The following TMCC1 variants were observed in gnomAD, a reference collection of about 807,000 sequenced individuals.
TMCC1 encodes the protein transmembrane and coiled-coil domains protein 1.
TMCC1 carries 15 observed loss-of-function variants against 52.4 expected under a neutral mutation model. The ratio of observed to expected loss-of-function variants is 0.29; its 90% CI spans 0.19 to 0.44. The LOEUF (loss-of-function observed/expected upper bound fraction) is 0.44, where lower values mean the gene tolerates loss of function less well. Among genes scored for constraint, TMCC1 ranks in the 20% least tolerant of loss-of-function variants. The pLI, the probability that TMCC1 is intolerant of heterozygous loss-of-function variation, is 1.00. For missense variants in TMCC1, 503 were observed against 806.0 expected, an observed-to-expected ratio of 0.62 and a Z score of 4.55; for synonymous variants, 279 against 301.9, an observed-to-expected ratio of 0.92 and a Z score of 0.79.
At chr3:129,683,183 A>G (rs2089144687) in intron 4 of TMCC1, among the ~76,000 whole-genome samples, 2 of 152,254 alleles carry the variant, frequency 1.3e-5, no homozygotes, top group Non-Finnish European at 2.9e-5. Context: ...TTTTGCTTTT[A>G]TAACACTGCA....
chr3:129,861,467 T>C (rs2060394942), intron 2 of TMCC1, among the ~76,000 whole-genome samples: 1 of 152,044 alleles, frequency 6.6e-6, no homozygotes, highest in Non-Finnish European at 1.5e-5. Context: ...AAAGAATTAT[T>C]ACTTATGGCA....
At chr3:129,725,079 T>C (rs2049964122) in intron 4 of TMCC1, among the ~76,000 whole-genome samples, 1 of 152,234 alleles carries the variant, frequency 6.6e-6, no homozygotes. Context: ...GGATCTACAT[T>C]TGTACCCAAA....
intron 4 of TMCC1, among the ~76,000 whole-genome samples, chr3:129,736,315 A>G (rs377344296): frequency 6.6e-6 from 1 of 152,244 alleles, no homozygotes; most frequent in African/African-American, 2.4e-5. Flanking sequence ...AGAGCCTGCC[A>G]GAATGCTACA....
At chr3:129,750,467 C>T (rs1329408320) in intron 4 of TMCC1, among the ~76,000 whole-genome samples, 2 of 151,866 alleles carry the variant, frequency 1.3e-5, no homozygotes, top group Non-Finnish European at 2.9e-5. Context: ...GCTGGGATTA[C>T]GGGCATGAGC....
intron 4 of TMCC1, among the ~76,000 whole-genome samples, chr3:129,819,335 G>C (rs1012829500): frequency 1.3e-5 from 2 of 151,732 alleles, no homozygotes; most frequent in African/African-American, 4.8e-5. Flanking sequence ...CGCCCGCCTC[G>C]GCCTCCCAAA....
intron 5 of TMCC1, among the ~76,000 whole-genome samples, chr3:129,655,810 CAGAG>C (rs1401426279): frequency 2.0e-5 from 3 of 152,166 alleles, no homozygotes; most frequent in Non-Finnish European, 4.4e-5. Flanking sequence ...AGGTATAAGA[CAGAG>C]TGCCGGTGAT....
chr3:129,739,050 C>A (rs558165666), intron 4 of TMCC1, among the ~76,000 whole-genome samples: 1 of 152,244 alleles, frequency 6.6e-6, no homozygotes, highest in East Asian at 1.9e-4. Flanking sequence ...CTCCTGGGCT[C>A]AAGAGACACA....
chr3:129,698,227 G>A (rs1241144284), intron 4 of TMCC1, among the ~76,000 whole-genome samples: 1 of 152,164 alleles, frequency 6.6e-6, no homozygotes, highest in East Asian at 1.9e-4. Flanking sequence ...AATCATGGTG[G>A]AAGGCGAAGG....
At chr3:129,728,539 C>T (rs1325794815) in intron 4 of TMCC1, among the ~76,000 whole-genome samples, 1 of 152,180 alleles carries the variant, frequency 6.6e-6, no homozygotes, top group African/African-American at 2.4e-5. Flanking sequence ...CCATCTCGGC[C>T]TCCCAAAGCA....
At chr3:129,732,960 C>G (rs1266123921) in intron 4 of TMCC1, among the ~76,000 whole-genome samples, 1 of 152,178 alleles carries the variant, frequency 6.6e-6, no homozygotes, top group Admixed American at 6.5e-5. Flanking sequence ...TTAATGTCCA[C>G]TTAGGGGTTT....
chr3:129,654,039 A>C (rs986122387), intron 6 of TMCC1, among the ~76,000 whole-genome samples: 6 of 152,036 alleles, frequency 3.9e-5, no homozygotes, highest in African/African-American at 1.5e-4. Context: ...CAACCCCCCC[A>C]AAAAAAGTGT....
chr3:129,745,327 T>C (rs1317011535), intron 4 of TMCC1, among the ~76,000 whole-genome samples: 1 of 152,250 alleles, frequency 6.6e-6, no homozygotes, highest in Non-Finnish European at 1.5e-5. Flanking sequence ...ACTGTACACC[T>C]TCTCTTGTGA....
intron 4 of TMCC1, among the ~76,000 whole-genome samples, chr3:129,724,988 T>C (rs1214554623): frequency 6.6e-6 from 1 of 152,246 alleles, no homozygotes; most frequent in African/African-American, 2.4e-5. Flanking sequence ...TTTTTATACA[T>C]ATAGCTTACT....
chr3:129,829,881 A>G (rs892885970), intron 3 of TMCC1, among the ~76,000 whole-genome samples: 1 of 152,158 alleles, frequency 6.6e-6, no homozygotes, highest in East Asian at 1.9e-4. Context: ...CTCTCAGAAG[A>G]CTTTTTTCAA....
At chr3:129,815,648 A>T (rs987015769) in intron 4 of TMCC1, among the ~76,000 whole-genome samples, 4 of 152,208 alleles carry the variant, frequency 2.6e-5, no homozygotes, top group Non-Finnish European at 5.9e-5. Context: ...AAACTACTAG[A>T]AGAAATCATT....
rs1022519047 is a variant in TMCC1, at chr3:129,838,877, A to T, written c.-183-6051T>A. 5.9e-5 allele frequency among the ~76,000 whole-genome samples: 9 copies of T among 152,010 alleles called. No individual in the cohort carries two copies. In the East Asian group the frequency reaches 1.7e-3, roughly 29 times the overall value. ...ATGTTACATACAGAGGAATAAAGAT[A>T]TAAGATTATAATAAACTTACCATCA... On this transcript the variant is annotated intron_variant, in intron 2 of 6. Coordinates refer to ENST00000393238, the MANE Select transcript of TMCC1 (RefSeq NM_001017395.5).
At chr3:129,717,863 G>A (rs971688026) in intron 4 of TMCC1, among the ~76,000 whole-genome samples, 1 of 152,132 alleles carries the variant, frequency 6.6e-6, no homozygotes, top group African/African-American at 2.4e-5. Context: ...CAACCAGAAT[G>A]ATCCTTTAAA....
intron 2 of TMCC1, among the ~76,000 whole-genome samples, chr3:129,840,326 CAAAAAA>C (rs368685429): frequency 1.1e-5 from 1 of 88,292 alleles, no homozygotes; most frequent in South Asian, 4.4e-4. Flanking sequence ...GAACCTGTCT[CAAAAAA>C]AAAAAAAAAA....
chr3:129,875,347 C>T (rs1292001265), intron 2 of TMCC1, among the ~76,000 whole-genome samples: 1 of 151,810 alleles, frequency 6.6e-6, no homozygotes, highest in Non-Finnish European at 1.5e-5. Context: ...AAAGAATTAG[C>T]TGGGTGAGGT....
Sources: gnomAD v4.1 joint callset for allele counts (sites outside exome capture counted in the v4.1 genomes callset) on GRCh38, gnomAD v4.1.1 for gene constraint, MANE v1.5 for transcripts, NCBI Gene and HGNC (gene_info 2026-07-23, HGNC 2026-07-21) for gene names.